Variants in FAM120C observed in about 807,000 individuals in gnomAD.
FAM120C encodes the protein family with sequence similarity 120 member C.
FAM120C carries 14 observed loss-of-function variants against 71.2 expected under a neutral mutation model. The ratio of observed to expected loss-of-function variants is 0.20; its 90% confidence interval spans 0.13 to 0.31. The LOEUF (loss-of-function observed/expected upper bound fraction) is 0.31, where lower values mean the gene tolerates loss of function less well. FAM120C is among the 10% of genes least tolerant of loss of function. The pLI, the probability that FAM120C is intolerant of heterozygous loss-of-function variation, is 1.00. For missense variants in FAM120C, 500 were observed against 879.0 expected (o/e 0.57, Z 5.45); for synonymous variants, 354 against 353.2 (o/e 1.00, Z -0.03).
At chrX:54,128,293 A>C (rs1557128400) in intron 9 of FAM120C, among the ~76,000 whole-genome samples, 1 of 111,823 alleles carries the variant, frequency 8.9e-6, no homozygotes. Context: ...TCCTGGTCTC[A>C]TGTGATCTGC....
At chrX:54,143,860 A>G (rs185426795) in intron 4 of FAM120C, among the ~76,000 whole-genome samples, 1,272 of 111,479 alleles carry the variant, frequency 0.011, 17 homozygotes, top group African/African-American at 0.04. Flanking sequence ...GAGACACAAC[A>G]AAAAAAGAAT....
intron 4 of FAM120C, 38 bp downstream of exon 4, chrX:54,151,207 A>T (rs2067182886): frequency 8.3e-7 from 1 of 1,203,245 alleles, no homozygotes; most frequent in African/African-American, 1.8e-5. Context: ...AGAAGGTAAG[A>T]AAACGGAGGA....
intron 10 of FAM120C, among the ~76,000 whole-genome samples, chrX:54,113,747 G>GA (rs1267430178): frequency 1.4e-3 from 129 of 94,996 alleles, no homozygotes; most frequent in African/African-American, 3.1e-3. Flanking sequence ...CGTCTCTACT[G>GA]AAAAAAAAAA....
intron 10 of FAM120C, among the ~76,000 whole-genome samples, chrX:54,093,278 C>A (rs1216739916): frequency 9.0e-6 from 1 of 111,486 alleles, no homozygotes. Flanking sequence ...GAAAAATTGA[C>A]CTAAAGGAGC....
chrX:54,167,521 G>A (rs951608425), intron 1 of FAM120C, among the ~76,000 whole-genome samples: 5 of 111,236 alleles, frequency 4.5e-5, no homozygotes, highest in South Asian at 3.7e-4. Flanking sequence ...AGGGGTTGAG[G>A]GCCTACTAAG....
At chrX:54,096,398 G>A (rs1424878165) in intron 10 of FAM120C, among the ~76,000 whole-genome samples, 2 of 111,352 alleles carry the variant, frequency 1.8e-5, no homozygotes, top group African/African-American at 6.5e-5. Context: ...GCCACAGAGC[G>A]AGACTCTGTC....
chrX:54,126,596 C>A (rs2067028635), intron 9 of FAM120C, among the ~76,000 whole-genome samples: 1 of 112,548 alleles, frequency 8.9e-6, no homozygotes, highest in African/African-American at 3.2e-5. Context: ...TGTTCTTTAT[C>A]TTCAGGAAGT....
In FAM120C at chrX:54,116,652, C is replaced by A. The variant is rs2066969413; in HGVS notation, c.2205G>T (p.Lys735Asn). 2 of 1,210,036 alleles carry A rather than the reference C, an allele frequency of 1.7e-6. No homozygotes were observed. The highest frequency in any genetic ancestry group is 1.7e-5 in the African/African-American group (1 of 57,189). The change falls in exon 10 of 16, where the codon AAG becomes AAT. Residue 735 changes from lysine to asparagine, a missense_variant. By Grantham distance (94) the Lys-to-Asn change is moderately conservative (BLOSUM62 0). This residue lies in a region of FAM120C where 104 missense variants were observed against 254.5 expected (regional missense o/e 0.41). Transcript: ENST00000375180. ...KLWLGKAVED[K>N]NRRMRAFLAC... ...CCAGGAAGGCCCGCATCCTTCTGTT[C>A]TTGTCTTCAACTGCTTTGCCTAGCC... is the stretch of plus-strand genomic sequence containing the variant.
chrX:54,091,896 T>G (rs2066826238), intron 10 of FAM120C, among the ~76,000 whole-genome samples: 1 of 110,580 alleles, frequency 9.0e-6, no homozygotes, highest in Non-Finnish European at 1.9e-5. Flanking sequence ...ACGTTTGGAG[T>G]GACAGGAGGC....
rs782439183 is a variant in FAM120C at position 54,171,503 on chromosome X, A to G, written c.699+10997T>C. ...GGAGTTTACATTTTACATTAACGAC[A>G]TAAGTGAAAAACTAGAAAATTTATC... is the stretch of plus-strand genomic sequence containing the variant. On this transcript the variant is annotated intron_variant, in intron 1 of 15. Transcript: ENST00000375180. 5 of 112,721 alleles carry G rather than the reference A, an allele frequency of 4.4e-5. No homozygotes were observed. In the East Asian group the frequency reaches 1.4e-3, roughly 31 times the overall value. 9.3% of individuals were successfully genotyped at this position (112,721 alleles called of 1,213,427 possible).
At chrX:54,132,177 C>T (rs1420162606) in intron 9 of FAM120C, among the ~76,000 whole-genome samples, 1 of 110,440 alleles carries the variant, frequency 9.1e-6, no homozygotes, top group East Asian at 2.8e-4. Context: ...CATCTCAGCC[C>T]CCCAAGTAGC....
At chrX:54,147,003 T>G (rs1305841170) in intron 4 of FAM120C, among the ~76,000 whole-genome samples, 3 of 108,830 alleles carry the variant, frequency 2.8e-5, no homozygotes, top group Non-Finnish European at 5.9e-5. Flanking sequence ...AAATGTGAAG[T>G]GCAGAACTAT....
intron 9 of FAM120C, among the ~76,000 whole-genome samples, chrX:54,117,392 A>C (rs185166892): frequency 1.1e-4 from 11 of 103,384 alleles, no homozygotes; most frequent in East Asian, 6.0e-4. Flanking sequence ...AATAAAATAA[A>C]ATAAAATAAA....
chrX:54,162,728 G>A (rs2067241062), intron 1 of FAM120C, among the ~76,000 whole-genome samples: 1 of 111,783 alleles, frequency 8.9e-6, no homozygotes, highest in Non-Finnish European at 1.9e-5. Flanking sequence ...GTAGTATTAG[G>A]TATCAATTAA....
In FAM120C at chrX:54,085,187, T is replaced by C. The variant is rs782012610; in HGVS notation, c.2839+528A>G. On this transcript the variant is annotated intron_variant, in intron 13 of 15. Transcript: ENST00000375180. ...GTTTCCACATCAGTCACTTCATGAG[T>C]TTGGTTGGTGAGAGTCAAATCCCTG... is the stretch of plus-strand genomic sequence containing the variant. Among the ~76,000 whole-genome samples, 13 of 112,108 alleles carry C rather than the reference T, an allele frequency of 1.2e-4. No homozygotes were observed. In the East Asian group the frequency reaches 3.4e-3, roughly 29 times the overall value.
chrX:54,154,180 A>T (rs1300815377), intron 3 of FAM120C, among the ~76,000 whole-genome samples: 4 of 107,296 alleles, frequency 3.7e-5, no homozygotes, highest in Non-Finnish European at 7.7e-5. Flanking sequence ...TGGCCAGGGT[A>T]GCAGCAGTGC....
chrX:54,089,953 C>T lies in FAM120C; in HGVS notation c.2427+1359G>A, dbSNP rs782685526. Among the ~76,000 whole-genome samples, 346 of 109,298 alleles carry T rather than the reference C, an allele frequency of 3.2e-3. 1 individual carries two copies. The highest frequency in any genetic ancestry group is 0.014 in the Middle Eastern group (3 of 210). 94.9% of individuals were successfully genotyped at this position (109,298 alleles called of 115,157 possible). A position where few individuals can be genotyped will look rare whatever the true frequency, so the allele number is the denominator to read the frequency against. On this transcript the variant is annotated intron_variant, in intron 11 of 15. Coordinates refer to ENST00000375180, the MANE Select transcript of FAM120C (RefSeq NM_017848.6). ...CAGCCTAGGCAGCAAGAGCGAAACTCCATCTTGAAAAAAAAAAAATAGTGA... is the reference window on the plus strand; with the variant it reads ...CAGCCTAGGCAGCAAGAGCGAAACTTCATCTTGAAAAAAAAAAAATAGTGA...
intron 10 of FAM120C, among the ~76,000 whole-genome samples, chrX:54,094,106 T>TC (rs1276457460): frequency 3.1e-5 from 3 of 98,056 alleles, no homozygotes; most frequent in South Asian, 5.3e-4. Context: ...TTTTTTTTTT[T>TC]CTGAGACGGA....
intron 10 of FAM120C, among the ~76,000 whole-genome samples, chrX:54,113,776 C>T (rs1319654688): frequency 6.4e-5 from 7 of 108,541 alleles, no homozygotes; most frequent in Admixed American, 1.0e-4. Context: ...ATTAGCCGGG[C>T]GTGGTGGTGC....
Sources: gnomAD v4.1 joint callset for allele counts (sites outside exome capture counted in the v4.1 genomes callset) on GRCh38, gnomAD v4.1.1 for gene constraint, gnomAD v4.1.1 regional missense constraint, MANE v1.5 for transcripts, NCBI Gene and HGNC (gene_info 2026-07-23, HGNC 2026-07-21) for gene names.